Variants in PDE8B observed in about 807,000 individuals in gnomAD.
PDE8B encodes the protein phosphodiesterase 8B.
A neutral mutation model predicts 101.3 loss-of-function variants in PDE8B; 26 were observed. The ratio of observed to expected loss-of-function variants is 0.26; its 90% CI spans 0.19 to 0.36. PDE8B has a LOEUF of 0.36. Among genes scored for constraint, PDE8B ranks in the 10% least tolerant of loss-of-function variants. PDE8B has a pLI of 1.00. For synonymous variants in PDE8B, 424 were observed against 429.3 expected (o/e 0.99, Z 0.15); for missense variants, 810 against 1,163.1 (o/e 0.70, Z 4.42).
Position 77,372,261 on chromosome 5 carries a change from G to A in PDE8B, c.1167+18855G>A, listed in dbSNP as rs76376737. Among the ~76,000 whole-genome samples, 410 of 152,232 alleles carry A rather than the reference G, an allele frequency of 2.7e-3. 1 individual carries two copies. The highest frequency in any genetic ancestry group is 9.3e-3 in the African/African-American group (386 of 41,516). On this transcript the variant is annotated intron_variant, in intron 10 of 21. Transcript: ENST00000264917. Reference sequence around the variant, plus strand: ...TTTTTAAAATTAGCTTTCTACTTGTGAACTTGCTTGATGGATTTGTTAGTT... The same window carrying A: ...TTTTTAAAATTAGCTTTCTACTTGTAAACTTGCTTGATGGATTTGTTAGTT...
chr5:77,309,943 C>CTTTTTTTTTTTTT (rs955296324), intron 1 of PDE8B, among the ~76,000 whole-genome samples: 7 of 114,148 alleles, frequency 6.1e-5, no homozygotes, highest in African/African-American at 2.0e-4. Flanking sequence ...AATCATTAAT[C>CTTTTTTTTTTTTT]TTTTTTTTTT....
At chr5:77,340,951 G>T (rs943135289) in intron 6 of PDE8B, among the ~76,000 whole-genome samples, 1 of 151,984 alleles carries the variant, frequency 6.6e-6, no homozygotes, top group Non-Finnish European at 1.5e-5. Flanking sequence ...ATACTTCATG[G>T]GTTCCCACAA....
chr5:77,367,250 T>A (rs950129349), intron 10 of PDE8B, among the ~76,000 whole-genome samples: 5 of 152,172 alleles, frequency 3.3e-5, no homozygotes, highest in African/African-American at 1.2e-4. Flanking sequence ...AGAATTCAGT[T>A]ACTCCTTCAC....
At chr5:77,383,059 G>A (rs1365362924) in intron 10 of PDE8B, among the ~76,000 whole-genome samples, 3 of 152,192 alleles carry the variant, frequency 2.0e-5, no homozygotes, top group Non-Finnish European at 4.4e-5. Flanking sequence ...CACCAACAGT[G>A]TAAAAGTGTT....
At chr5:77,143,379 T>C in the PDE8B span, among the ~76,000 whole-genome samples, 1 of 152,186 alleles carries the variant, frequency 6.6e-6, no homozygotes, top group Non-Finnish European at 1.5e-5. Context: ...ACAAAGAAAG[T>C]TTTGAAATGT....
intron 1 of PDE8B, among the ~76,000 whole-genome samples, chr5:77,212,020 G>A (rs1006242326): frequency 6.6e-6 from 1 of 152,170 alleles, no homozygotes; most frequent in African/African-American, 2.4e-5. Flanking sequence ...GGATTTTGAG[G>A]AAGTGGAAAA....
Position 77,210,861 on chromosome 5 carries a change from A to T in PDE8B, c.-65A>T. On this transcript the variant is annotated 5_prime_UTR_variant, in exon 1 of 22. Coordinates refer to ENST00000264917, the MANE Select transcript of PDE8B (RefSeq NM_003719.5). This position sits in a 1 kb window ranked among gnomAD's most constrained non-coding sequence, Gnocchi z 4.9. ...CGGCCGCCCCCTCACTGCAGGTGGC[A>T]GCGGGTGCGCTGGGTCCCGGCGGCC... 4.3e-6 allele frequency: 5 copies of T among 1,164,374 alleles called. No individual in the cohort carries two copies. The highest frequency in any genetic ancestry group is 5.3e-6 in the Non-Finnish European group (5 of 948,322). 72.1% of individuals were successfully genotyped at this position (1,164,374 alleles called of 1,614,324 possible).
chr5:77,341,396 A>G (rs1217755977), intron 6 of PDE8B, among the ~76,000 whole-genome samples: 3 of 152,248 alleles, frequency 2.0e-5, no homozygotes, highest in African/African-American at 7.2e-5. Flanking sequence ...CATAAAATGA[A>G]TGTTTAATAA....
intron 16 of PDE8B, 74 bp downstream of exon 16, chr5:77,412,309 A>T (rs996561105): frequency 1.3e-5 from 20 of 1,516,980 alleles, no homozygotes; most frequent in Non-Finnish European, 1.6e-5. Context: ...GGAAACTTTG[A>T]GGGAGACATG....
Position 77,371,176 on chromosome 5 carries a change from C to T in PDE8B, c.1167+17770C>T, listed in dbSNP as rs186150161. 2.6e-3 allele frequency among the ~76,000 whole-genome samples: 389 copies of T among 152,192 alleles called. 2 individuals are homozygous for T. The highest frequency in any genetic ancestry group is 9.0e-3 in the African/African-American group (372 of 41,538). On this transcript the variant is annotated intron_variant, in intron 10 of 21. Transcript: ENST00000264917. ...TTTTATGTTCGTTGTTTTCTGTGAC[C>T]TACCTAAGAAAACTTTACCTACCCT...
intron 10 of PDE8B, among the ~76,000 whole-genome samples, chr5:77,377,181 A>C (rs1786297279): frequency 6.6e-6 from 1 of 152,204 alleles, no homozygotes; most frequent in South Asian, 2.1e-4. Flanking sequence ...GCTTCAGAGG[A>C]AAGGAAACTA....
At chr5:77,314,996 A>C (rs1310168234) in intron 2 of PDE8B, among the ~76,000 whole-genome samples, 1 of 152,014 alleles carries the variant, frequency 6.6e-6, no homozygotes, top group Non-Finnish European at 1.5e-5. Flanking sequence ...CGTTTGGTCA[A>C]GTCTTCTCCT....
chr5:77,116,809 C>A, the PDE8B span, among the ~76,000 whole-genome samples: 28 of 152,272 alleles, frequency 1.8e-4, no homozygotes, highest in African/African-American at 5.8e-4. Flanking sequence ...CATGAGCAAA[C>A]CCCCAAAGTT....
At chr5:77,161,572 C>T in the PDE8B span, among the ~76,000 whole-genome samples, 1 of 151,972 alleles carries the variant, frequency 6.6e-6, no homozygotes, top group East Asian at 1.9e-4. Context: ...GAGTACAAAT[C>T]CTTTTGTGGA....
the PDE8B span, among the ~76,000 whole-genome samples, chr5:77,186,980 T>C: frequency 2.6e-5 from 4 of 152,250 alleles, no homozygotes; most frequent in Admixed American, 1.3e-4. Context: ...GAATCTGTGA[T>C]CACTGCTGCT....
the PDE8B span, among the ~76,000 whole-genome samples, chr5:77,157,932 C>T: frequency 3.1e-3 from 473 of 152,354 alleles, 1 homozygote; most frequent in Admixed American, 5.0e-3. Context: ...CAGAGCCATT[C>T]AATCAGACGG....
chr5:77,332,575 C>T (rs546589137), intron 5 of PDE8B, among the ~76,000 whole-genome samples: 6 of 152,166 alleles, frequency 3.9e-5, no homozygotes, highest in East Asian at 1.9e-4. Context: ...CGGTGGCTCA[C>T]GCCTGTAATC....
chr5:77,403,839 A>G (rs1485482248), intron 11 of PDE8B, among the ~76,000 whole-genome samples: 1 of 149,096 alleles, frequency 6.7e-6, no homozygotes, highest in East Asian at 2.0e-4. Context: ...TTTTTTGGAG[A>G]CAGAGTTTCA....
chr5:77,103,681 G>C, the PDE8B span, among the ~76,000 whole-genome samples: 2 of 152,168 alleles, frequency 1.3e-5, no homozygotes, highest in African/African-American at 2.4e-5. Flanking sequence ...TGTGGGGAAG[G>C]GTGATGAGGG....
Sources: gnomAD v4.1 joint callset for allele counts (sites outside exome capture counted in the v4.1 genomes callset) on GRCh38, gnomAD v4.1.1 for gene constraint, Gnocchi (gnomAD v3.1) non-coding constraint, MANE v1.5 for transcripts, NCBI Gene and HGNC (gene_info 2026-07-23, HGNC 2026-07-21) for gene names.